Variants in TMEM181 observed in about 807,000 individuals in gnomAD.
TMEM181 encodes transmembrane protein 181.
Under a neutral mutation model 71.9 loss-of-function variants are expected in TMEM181, and 39 were observed. The observed-to-expected ratio is 0.54, with a 90% CI of 0.42 to 0.71. The LOEUF (loss-of-function observed/expected upper bound fraction) is 0.71, where lower values mean the gene tolerates loss of function less well. Among genes scored for constraint, TMEM181 ranks in the 30% least tolerant of loss-of-function variants. TMEM181 has a pLI of 0.00. For synonymous variants in TMEM181, 245 were observed against 228.8 expected (o/e 1.07, Z -0.64); for missense variants, 595 against 583.0 (o/e 1.02, Z -0.21).
chr6:158,558,407 T>C (rs1363045828), upstream of TMEM181, among the ~76,000 whole-genome samples: 1 of 152,248 alleles, frequency 6.6e-6, no homozygotes, highest in Non-Finnish European at 1.5e-5. Context: ...TTAAAGATCC[T>C]AAGTAGCTTT....
chr6:158,581,035 A>T (rs1464956514), intron 3 of TMEM181, 40 bp downstream of exon 3: 1 of 1,570,518 alleles, frequency 6.4e-7, no homozygotes. Context: ...GGTGGGGTGC[A>T]TTATAAACCT....
At chr6:158,622,652 CTG>C (rs1188800467) in intron 10 of TMEM181, among the ~76,000 whole-genome samples, 1 of 152,210 alleles carries the variant, frequency 6.6e-6, no homozygotes, top group Non-Finnish European at 1.5e-5. Flanking sequence ...TTTCAGTTAA[CTG>C]AAACTGCAGA....
intron 1 of TMEM181, among the ~76,000 whole-genome samples, chr6:158,550,853 T>C (rs1167865515): frequency 3.0e-5 from 4 of 135,042 alleles, no homozygotes; most frequent in Non-Finnish European, 6.1e-5. Flanking sequence ...TAGTGTATTA[T>C]AGCACTCCAG....
Position 158,587,744 on chromosome 6 carries a change from T to C in TMEM181, c.382-1928T>C, listed in dbSNP as rs529843514. On this transcript the variant is annotated intron_variant, in intron 5 of 16. Coordinates refer to ENST00000684151, the MANE Select transcript of TMEM181 (RefSeq NM_001376852.1). Reference sequence around the variant, plus strand: ...GGTACCATCACGTGATTTTCAGAGGTACATCATTGTCAGCAGCAGAACCGT... The same window carrying C: ...GGTACCATCACGTGATTTTCAGAGGCACATCATTGTCAGCAGCAGAACCGT... 8.6e-5 allele frequency among the ~76,000 whole-genome samples: 13 copies of C among 151,918 alleles called. No homozygotes were observed. In the South Asian group the frequency reaches 1.7e-3, roughly 19 times the overall value.
intron 6 of TMEM181, among the ~76,000 whole-genome samples, chr6:158,594,099 C>CTT (rs60295531): frequency 0.019 from 2,128 of 114,002 alleles, 55 homozygotes; most frequent in Non-Finnish European, 0.03. Flanking sequence ...ATGGTTTTGC[C>CTT]TTTTTTTTTT....
chr6:158,615,740 G>A (rs1785575064), intron 10 of TMEM181, among the ~76,000 whole-genome samples: 1 of 152,156 alleles, frequency 6.6e-6, no homozygotes, highest in African/African-American at 2.4e-5. Context: ...ATCAAATAGG[G>A]AATCCTTTCC....
rs901829300 is a variant in TMEM181, at chr6:158,551,063, G to A, written c.131+14198G>A. Among the ~76,000 whole-genome samples the A allele has an allele frequency of 2.0e-5, 3 of 150,896 alleles. No individual in the cohort carries two copies. The East Asian group carries it at 5.9e-4, about 29-fold the overall frequency. On this transcript the variant is annotated intron_variant, in intron 1 of 16. Transcript: ENST00000367090. ...GCAAATTCCAACTCCTGGTTCAAGT[G>A]ATTCTCCTGCCTCAGCCTCCCGAGT...
chr6:158,566,667 G>C (rs1357254583), intron 1 of TMEM181, among the ~76,000 whole-genome samples: 1 of 151,542 alleles, frequency 6.6e-6, no homozygotes, highest in Non-Finnish European at 1.5e-5. Context: ...GGGTGAGGGA[G>C]GTGATGGGGT....
chr6:158,592,201 A>G (rs1356264269), intron 6 of TMEM181, among the ~76,000 whole-genome samples: 2 of 152,196 alleles, frequency 1.3e-5, no homozygotes, highest in Non-Finnish European at 2.9e-5. Context: ...CTTGCAATAG[A>G]TATGTATTGG....
upstream of TMEM181, among the ~76,000 whole-genome samples, chr6:158,557,601 T>C (rs1268023100): frequency 2.6e-5 from 4 of 152,272 alleles, no homozygotes; most frequent in East Asian, 5.8e-4. Context: ...CACTGCAAGC[T>C]CCACCCCCTG....
At chr6:158,567,141 C>A (rs1301172548) in intron 1 of TMEM181, among the ~76,000 whole-genome samples, 4 of 152,166 alleles carry the variant, frequency 2.6e-5, no homozygotes, top group African/African-American at 9.7e-5. Context: ...GTATTAGATG[C>A]CTCTTGTGAA....
intron 7 of TMEM181, 21 bp from the exon 8 acceptor site, chr6:158,607,223 G>A: frequency 6.2e-7 from 1 of 1,603,762 alleles, no homozygotes; most frequent in Non-Finnish European, 8.5e-7. Context: ...GCAGTAACTG[G>A]AGGCCTGATT....
intron 1 of TMEM181, among the ~76,000 whole-genome samples, chr6:158,569,435 T>G (rs1340865915): frequency 6.6e-6 from 1 of 152,218 alleles, no homozygotes; most frequent in Non-Finnish European, 1.5e-5. Context: ...TTTCTCTGTC[T>G]TTTTTCCTTT....
intron 1 of TMEM181, among the ~76,000 whole-genome samples, chr6:158,568,607 G>A (rs1488958517): frequency 6.6e-6 from 1 of 152,042 alleles, no homozygotes; most frequent in Non-Finnish European, 1.5e-5. Context: ...TCCCTTGGGG[G>A]ACTGATCAGA....
chr6:158,621,210 A>G (rs144004639), intron 10 of TMEM181, among the ~76,000 whole-genome samples: 7 of 152,338 alleles, frequency 4.6e-5, no homozygotes, highest in African/African-American at 1.2e-4. Context: ...TGCTTACCCA[A>G]GAGACTTTCC....
At chr6:158,570,524 A>G (rs1231640210) in intron 1 of TMEM181, among the ~76,000 whole-genome samples, 7 of 151,912 alleles carry the variant, frequency 4.6e-5, no homozygotes, top group Non-Finnish European at 1.0e-4. Context: ...TACAGGCATG[A>G]GCCACTGCGC....
rs567595242 is a variant in TMEM181, at chr6:158,573,921, T to G, written c.112+398T>G. Among the ~76,000 whole-genome samples the G allele has an allele frequency of 8.3e-4, 111 of 134,502 alleles. 1 individual carries two copies. In the South Asian group the frequency reaches 0.016, roughly 20 times the overall value. The allele number at this position is 134,502 out of a possible 152,430, so 88.2% of individuals were successfully genotyped here. ...GCAGCTGATGGGGAGGGGAGGAGAG[T>G]GGGGGGCTGATGGCTGTGAGCATGG... On this transcript the variant is annotated intron_variant, in intron 2 of 16. Coordinates refer to ENST00000684151, the MANE Select transcript of TMEM181 (RefSeq NM_001376852.1).
At chr6:158,581,991 C>T (rs761855135) in intron 3 of TMEM181, among the ~76,000 whole-genome samples, 1 of 152,002 alleles carries the variant, frequency 6.6e-6, no homozygotes, top group Non-Finnish European at 1.5e-5. Context: ...ACCCCAAATC[C>T]CCCTTCTCTC....
chr6:158,570,667 C>T (rs1376236345), intron 1 of TMEM181, among the ~76,000 whole-genome samples: 3 of 152,162 alleles, frequency 2.0e-5, no homozygotes, highest in Non-Finnish European at 4.4e-5. Flanking sequence ...GCGCTGCAGG[C>T]TCCAACCTAC....
Sources: allele counts gnomAD v4.1 joint callset (sites outside exome capture counted in the v4.1 genomes callset), GRCh38; gene constraint gnomAD v4.1.1; transcripts MANE v1.5; gene names NCBI Gene and HGNC (gene_info 2026-07-23, HGNC 2026-07-21).